SLC11A2: variants seen among roughly 807,000 people sequenced by gnomAD.
SLC11A2 encodes solute carrier family 11 member 2.
In SLC11A2, 38 loss-of-function variants were observed where a neutral mutation model predicts 68.0. The ratio of observed to expected loss-of-function variants is 0.56; its 90% CI spans 0.43 to 0.73. The LOEUF is 0.73. Among genes scored for constraint, SLC11A2 ranks in the 30% least tolerant of loss-of-function variants. SLC11A2 has a pLI of 0.00. For missense variants in SLC11A2, 517 were observed against 690.5 expected (o/e 0.75, Z 2.82); for synonymous variants, 242 against 250.6 (o/e 0.97, Z 0.32).
chr12:51,025,524 G>A (rs1394042368), intron 1 of SLC11A2: 1 of 155,180 alleles, frequency 6.4e-6, no homozygotes, highest in South Asian at 2.0e-4. Flanking sequence ...CTAAAATTGA[G>A]GCCAGCAAGT....
the SLC11A2 span, among the ~76,000 whole-genome samples, chr12:50,962,490 A>C: frequency 2.6e-5 from 4 of 152,240 alleles, no homozygotes; most frequent in Middle Eastern, 3.4e-3. Flanking sequence ...ACTTAGGGTC[A>C]GGAGTTCAAG....
intron 8 of SLC11A2, among the ~76,000 whole-genome samples, chr12:50,998,382 A>T (rs1941919780): frequency 6.6e-6 from 1 of 152,094 alleles, no homozygotes; most frequent in African/African-American, 2.4e-5. Flanking sequence ...AATAAATAAA[A>T]ATCTAAAAAT....
At chr12:50,957,937 GGTGTGTGTGTGTGTGTGTGTGTGTGT>G in the SLC11A2 span, among the ~76,000 whole-genome samples, 2 of 132,404 alleles carry the variant, frequency 1.5e-5, no homozygotes, top group African/African-American at 5.5e-5. Context: ...ATGAATTGGA[GGTGTGTGTGTGTGTGTGTGTGTGTGT>G]GTGTGTGTGT....
the SLC11A2 span, among the ~76,000 whole-genome samples, chr12:50,964,405 G>T: frequency 8.5e-5 from 13 of 152,314 alleles, no homozygotes; most frequent in East Asian, 2.5e-3. Flanking sequence ...GCCTGTGTTG[G>T]ATTTAGTTTT....
chr12:50,974,203 T>C, the SLC11A2 span, among the ~76,000 whole-genome samples: 3 of 152,078 alleles, frequency 2.0e-5, no homozygotes, highest in African/African-American at 7.2e-5. Flanking sequence ...TCACCAAAGT[T>C]GAAATGAAGG....
chr12:50,986,436 G>C lies in SLC11A2; in HGVS notation c.*1889C>G. 1.6e-6 allele frequency: 2 copies of C among 1,283,900 alleles called. No individual in the cohort carries two copies. The highest frequency in any genetic ancestry group is 2.0e-6 in the Non-Finnish European group (2 of 986,024). The allele number at this position is 1,283,900 out of a possible 1,614,324, so 79.5% of individuals were successfully genotyped here. A position where few individuals can be genotyped will look rare whatever the true frequency, so the allele number is the denominator to read the frequency against. ...TAATTGGAAGGAGTTTTCTATCATT[G>C]CAAGTCATAAATATAACTTTTAAAA... On this transcript the variant is annotated 3_prime_UTR_variant, in exon 16 of 16. Coordinates refer to ENST00000262052, the MANE Select transcript of SLC11A2 (RefSeq NM_000617.3).
intron 14 of SLC11A2, 108 bp from the exon 15 acceptor site, chr12:50,991,056 G>T: frequency 9.7e-7 from 1 of 1,031,998 alleles, no homozygotes; most frequent in Non-Finnish European, 1.5e-6. Flanking sequence ...TGGAAAAATT[G>T]TTCTTAATTT....
chr12:51,016,671 G>A (rs1265549403), intron 1 of SLC11A2, among the ~76,000 whole-genome samples: 2 of 111,350 alleles, frequency 1.8e-5, no homozygotes, highest in South Asian at 3.3e-4. Context: ...GGCAGGGGGA[G>A]ACTCCATCTC....
downstream of SLC11A2, among the ~76,000 whole-genome samples, chr12:50,985,625 C>T (rs1592298625): frequency 6.6e-6 from 1 of 152,060 alleles, no homozygotes; most frequent in African/African-American, 2.4e-5. Context: ...TCATTGGCAG[C>T]ACATATAGAA....
At chr12:50,994,838 T>C in intron 10 of SLC11A2, 1 of 572,786 alleles carries the variant, frequency 1.7e-6, no homozygotes, top group Admixed American at 2.9e-5. Flanking sequence ...ATCAAAAATC[T>C]TTACTGAGTT....
At chr12:50,961,289 G>A in the SLC11A2 span, among the ~76,000 whole-genome samples, 1 of 152,152 alleles carries the variant, frequency 6.6e-6, no homozygotes, top group African/African-American at 2.4e-5. Flanking sequence ...GAATGCAGCT[G>A]ACAAAAACTG....
Position 50,994,804 on chromosome 12 carries a change from A to G in SLC11A2, c.991-174T>C, listed in dbSNP as rs1941542619. 1.0e-5 allele frequency: 6 copies of G among 575,326 alleles called. No homozygotes were observed. The South Asian group carries it at 1.1e-4, about 11-fold the overall frequency. 35.6% of individuals were successfully genotyped at this position (575,326 alleles called of 1,614,324 possible). ...GCAATGTTATCTAGGATCTTCCTCTATAATCCTTCTACACCCACAGGTCAT... is the reference window on the plus strand; with the variant it reads ...GCAATGTTATCTAGGATCTTCCTCTGTAATCCTTCTACACCCACAGGTCAT... On this transcript the variant is annotated intron_variant, in intron 10 of 15. Coordinates refer to ENST00000262052, the MANE Select transcript of SLC11A2 (RefSeq NM_000617.3).
the SLC11A2 span, among the ~76,000 whole-genome samples, chr12:50,973,764 C>A: frequency 2.4e-3 from 371 of 152,270 alleles, 12 homozygotes; most frequent in East Asian, 0.059. Context: ...GAATGGCTAA[C>A]TAGAATCACC....
downstream of SLC11A2, chr12:50,981,728 A>G (rs1940037430): frequency 2.6e-6 from 4 of 1,532,648 alleles, no homozygotes; most frequent in African/African-American, 4.1e-5. Context: ...GCTGTCAGTC[A>G]TCTAGACACA....
the SLC11A2 span, among the ~76,000 whole-genome samples, chr12:50,962,140 C>G: frequency 6.6e-6 from 1 of 152,194 alleles, no homozygotes; most frequent in Non-Finnish European, 1.5e-5. Flanking sequence ...GATCCCACCA[C>G]TTTGGGATGC....
the SLC11A2 span, chr12:50,953,954 AT>A: frequency 1.8e-6 from 2 of 1,140,854 alleles, no homozygotes; most frequent in African/African-American, 3.1e-5. Flanking sequence ...ATTTTTAATG[AT>A]TCACGGCAAC....
the SLC11A2 span, among the ~76,000 whole-genome samples, chr12:50,969,286 C>A: frequency 6.6e-6 from 1 of 150,610 alleles, no homozygotes; most frequent in Non-Finnish European, 1.5e-5. Flanking sequence ...ACAGAGAGAC[C>A]CCATCTCAAA....
chr12:51,017,804 T>C (rs1441776976), intron 1 of SLC11A2, among the ~76,000 whole-genome samples: 1 of 152,100 alleles, frequency 6.6e-6, no homozygotes, highest in Non-Finnish European at 1.5e-5. Context: ...ATGCAAAATA[T>C]TAAAAATCCC....
chr12:51,008,986 T>C, intron 2 of SLC11A2: 1 of 663,018 alleles, frequency 1.5e-6, no homozygotes, highest in Non-Finnish European at 2.6e-6. Flanking sequence ...CTAAAAACAC[T>C]GACATATGGG....
Sources: allele counts gnomAD v4.1 joint callset (sites outside exome capture counted in the v4.1 genomes callset), GRCh38; gene constraint gnomAD v4.1.1; transcripts MANE v1.5; gene names NCBI Gene and HGNC (gene_info 2026-07-23, HGNC 2026-07-21).